TJP2: variants seen among roughly 807,000 people sequenced by gnomAD.
The protein encoded by TJP2 is tight junction protein 2.
In TJP2, 91 loss-of-function variants were observed where a neutral mutation model predicts 133.1. The observed-to-expected ratio is 0.68, with a 90% CI of 0.58 to 0.81. The LOEUF (loss-of-function observed/expected upper bound fraction) is 0.81, where lower values mean the gene tolerates loss of function less well. Among genes scored for constraint, TJP2 ranks in the 40% least tolerant of loss-of-function variants. The probability of loss-of-function intolerance (pLI) is 0.00; values close to 1 mark genes in which losing one functional copy is unlikely to be tolerated. For synonymous variants in TJP2, 592 were observed against 583.4 expected, an observed-to-expected ratio of 1.01 and a Z score of -0.21; for missense variants, 1,541 against 1,565.6, an observed-to-expected ratio of 0.98 and a Z score of 0.26.
At chr9:69,181,797 A>G (rs922157083) in intron 1 of TJP2, among the ~76,000 whole-genome samples, 12 of 152,066 alleles carry the variant, frequency 7.9e-5, no homozygotes, top group Non-Finnish European at 1.3e-4. Context: ...TTAAAAAGAC[A>G]GAGTCCAAGA....
chr9:69,126,319 C>G (rs1822294967), intron 1 of TJP2, among the ~76,000 whole-genome samples: 1 of 76,742 alleles, frequency 1.3e-5, no homozygotes, highest in Non-Finnish European at 3.0e-5. Flanking sequence ...TTCATGGTAC[C>G]CTGAGACCTC....
At chr9:69,247,935 C>T in intron 18 of TJP2, 77 bp from the exon 19 acceptor site, 1 of 1,422,090 alleles carries the variant, frequency 7.0e-7, no homozygotes, top group Non-Finnish European at 9.4e-7. Flanking sequence ...TTGGCTGTGT[C>T]CTTGGGAATT....
chr9:69,137,922 C>T (rs763974530), intron 1 of TJP2, among the ~76,000 whole-genome samples: 1 of 152,200 alleles, frequency 6.6e-6, no homozygotes, highest in Non-Finnish European at 1.5e-5. Context: ...ATCCAGACAT[C>T]TTAAGATGCC....
intron 6 of TJP2, 44 bp downstream of exon 6, chr9:69,225,451 T>G: frequency 7.7e-7 from 1 of 1,302,118 alleles, no homozygotes; most frequent in Non-Finnish European, 1.1e-6. Context: ...ATACTGCCGT[T>G]CATCGCCTGC....
At chr9:69,186,212 C>T (rs1825851663) in intron 1 of TJP2, among the ~76,000 whole-genome samples, 1 of 152,128 alleles carries the variant, frequency 6.6e-6, no homozygotes, top group Admixed American at 6.5e-5. Context: ...TTTCCTATAA[C>T]CCAGACCTAT....
intron 1 of TJP2, among the ~76,000 whole-genome samples, chr9:69,202,582 A>C (rs188175445): frequency 6.6e-6 from 1 of 152,372 alleles, no homozygotes; most frequent in East Asian, 1.9e-4. Flanking sequence ...TTTATATGCT[A>C]TATGTATTAT....
At chr9:69,153,049 C>T (rs1330962476) in intron 2 of TJP2, among the ~76,000 whole-genome samples, 3 of 150,400 alleles carry the variant, frequency 2.0e-5, no homozygotes, top group African/African-American at 7.3e-5. Flanking sequence ...CATAGTGAGA[C>T]CCTGTCTCTA....
chr9:69,162,296 A>G (rs1202164798), intron 2 of TJP2, among the ~76,000 whole-genome samples: 1 of 151,532 alleles, frequency 6.6e-6, no homozygotes, highest in African/African-American at 2.4e-5. Context: ...ATTTCTTTGT[A>G]TGTATAAGTA....
intron 1 of TJP2, chr9:69,151,593 A>G (rs1406432643): frequency 1.6e-6 from 2 of 1,231,586 alleles, no homozygotes; most frequent in Admixed American, 8.4e-5. Flanking sequence ...CATTTCCCAA[A>G]ATCTTACCAT....
At chr9:69,245,085 A>T (rs1472369310) in intron 17 of TJP2, among the ~76,000 whole-genome samples, 1 of 152,184 alleles carries the variant, frequency 6.6e-6, no homozygotes, top group Non-Finnish European at 1.5e-5. Flanking sequence ...TAGCTATGAG[A>T]TGAGCACAGT....
chr9:69,235,284 T>C (rs1830093780), intron 12 of TJP2, among the ~76,000 whole-genome samples: 2 of 150,096 alleles, frequency 1.3e-5, no homozygotes, highest in African/African-American at 4.9e-5. Context: ...AAGAGTAGTT[T>C]CCTCCTAATT....
At chr9:69,235,454 C>T (rs1830113808) in intron 12 of TJP2, among the ~76,000 whole-genome samples, 1 of 151,988 alleles carries the variant, frequency 6.6e-6, no homozygotes, top group African/African-American at 2.4e-5. Flanking sequence ...TCCCGAGTAG[C>T]TGGGACTACA....
intron 2 of TJP2, among the ~76,000 whole-genome samples, chr9:69,154,259 G>A (rs923475619): frequency 2.6e-5 from 4 of 152,164 alleles, no homozygotes; most frequent in African/African-American, 9.7e-5. Flanking sequence ...CTAGGTGGCT[G>A]CCTGGAGTTA....
Position 69,221,184 on chromosome 9 carries a change from G to C in TJP2, c.640G>C (p.Asp214His). The change falls in exon 5 of 23, where the codon GAC becomes CAC. Residue 214 changes from aspartate to histidine, a missense_variant. Coordinates refer to ENST00000377245, the MANE Select transcript of TJP2 (RefSeq NM_004817.4). Reference protein sequence around the residue: ...GLDQDHARTRDRSRGRSLERG... With the variant: ...GLDQDHARTRHRSRGRSLERG... The stretch of plus-strand genomic sequence containing the variant: ...GGACCAAGACCATGCGCGCACCCGA[G>C]ACCGCAGCCGTGGCCGGAGCCTGGA... 1 of 1,600,100 alleles carries C rather than the reference G, an allele frequency of 6.2e-7. No homozygotes were observed. Among genetic ancestry groups the C allele is most frequent in the African/African-American group, 1.3e-5 (1 of 74,762 alleles).
intron 13 of TJP2, 139 bp downstream of exon 13, chr9:69,236,377 G>T (rs1388455245): frequency 2.3e-6 from 2 of 876,140 alleles, no homozygotes; most frequent in Non-Finnish European, 3.6e-6. Flanking sequence ...TGTTTATGGA[G>T]AGTGGCCTGA....
chr9:69,181,741 TC>T (rs1421923667), intron 1 of TJP2, among the ~76,000 whole-genome samples: 1 of 152,206 alleles, frequency 6.6e-6, no homozygotes, highest in Non-Finnish European at 1.5e-5. Context: ...TTGCTTGCTT[TC>T]TTTTTTTTTT....
At chr9:69,212,152 G>A (rs1827965618) in intron 1 of TJP2, among the ~76,000 whole-genome samples, 1 of 152,124 alleles carries the variant, frequency 6.6e-6, no homozygotes, top group South Asian at 2.1e-4. Context: ...ACATAAACAT[G>A]CAGAAAACTT....
intron 4 of TJP2, among the ~76,000 whole-genome samples, chr9:69,218,967 TGTA>T (rs201521861): frequency 7.9e-6 from 1 of 127,376 alleles, no homozygotes; most frequent in African/African-American, 3.2e-5. Context: ...TGTGTGTGTG[TGTA>T]TTTTTTTTTT....
chr9:69,200,630 C>G (rs879664562), intron 1 of TJP2, among the ~76,000 whole-genome samples: 4 of 152,182 alleles, frequency 2.6e-5, no homozygotes, highest in Non-Finnish European at 5.9e-5. Flanking sequence ...CTGGGCTCAA[C>G]TGATGCTCCC....
Sources: gnomAD v4.1 joint callset for allele counts (sites outside exome capture counted in the v4.1 genomes callset) on GRCh38, gnomAD v4.1.1 for gene constraint, MANE v1.5 for transcripts, NCBI Gene and HGNC (gene_info 2026-07-23, HGNC 2026-07-21) for gene names.